HSPBP1: variants seen among roughly 807,000 people sequenced by gnomAD.
HSPBP1 encodes the protein hsp70-binding protein 1.
HSPBP1 carries 31 observed loss-of-function variants against 41.7 expected under a neutral mutation model. That is an observed-to-expected ratio of 0.74 (90% CI 0.56 to 1.00). HSPBP1 has a LOEUF of 1.00. Among genes scored for constraint, HSPBP1 ranks in the 50% least tolerant of loss-of-function variants. The pLI, the probability that HSPBP1 is intolerant of heterozygous loss-of-function variation, is 0.00. For missense variants in HSPBP1, 439 were observed against 487.9 expected (o/e 0.90, Z 0.94); for synonymous variants, 199 against 214.4 (o/e 0.93, Z 0.63).
At chr19:55,274,347 A>AACCCCCCC in intron 4 of HSPBP1, 51 bp downstream of exon 4, 2 of 325,718 alleles carry the variant, frequency 6.1e-6, no homozygotes, top group South Asian at 3.5e-5. Flanking sequence ...CCCACCCGGC[A>AACCCCCCC]CCCCCCCCCA....
In HSPBP1 at chr19:55,262,768, C is replaced by T. The variant is rs1039659246; in HGVS notation, c.1006-86G>A. 5.6e-6 allele frequency: 7 copies of T among 1,240,258 alleles called. No individual in the cohort carries two copies. In the Admixed American group the frequency reaches 1.0e-4, roughly 18 times the overall value. The allele number at this position is 1,240,258 out of a possible 1,614,324, so 76.8% of individuals were successfully genotyped here. A position where few individuals can be genotyped will look rare whatever the true frequency, so the allele number is the denominator to read the frequency against. On this transcript the variant is annotated intron_variant, in intron 7 of 7. Coordinates refer to ENST00000433386, the MANE Select transcript of HSPBP1 (RefSeq NM_012267.5). ...GCATTCTTGGCACCCAGAGGTGACT[C>T]CTCTTCTCTCCTGGCCACCACCCAC...
At chr19:55,264,856 C>A (rs913015876) in intron 7 of HSPBP1, among the ~76,000 whole-genome samples, 3 of 152,136 alleles carry the variant, frequency 2.0e-5, no homozygotes, top group Non-Finnish European at 2.9e-5. Context: ...GAATGAAAGC[C>A]TGAACCAGCG....
At chr19:55,278,073 C>G (rs1275685314) in intron 2 of HSPBP1, among the ~76,000 whole-genome samples, 1 of 152,032 alleles carries the variant, frequency 6.6e-6, no homozygotes, top group Admixed American at 6.6e-5. Flanking sequence ...ATGGTGAAAC[C>G]CCGTCTCTAC....
chr19:55,271,346 G>A (rs1196609442), intron 4 of HSPBP1, among the ~76,000 whole-genome samples: 2 of 151,964 alleles, frequency 1.3e-5, no homozygotes, highest in Admixed American at 1.3e-4. Flanking sequence ...AGGTAGGTGG[G>A]ACCAGGTGTG....
Position 55,264,235 on chromosome 19 carries a change from G to C in HSPBP1, c.1005+1043C>G, listed in dbSNP as rs1001690135. Reference sequence around the variant, plus strand: ...GCCTGCCTCGGCCTCCCAAAGTGCTGGGATTACAGGCGTGAGCCACCATGC... The same window carrying C: ...GCCTGCCTCGGCCTCCCAAAGTGCTCGGATTACAGGCGTGAGCCACCATGC... On this transcript the variant is annotated intron_variant, in intron 7 of 7. Transcript: ENST00000433386. Among the ~76,000 whole-genome samples, 6 of 152,072 alleles carry C rather than the reference G, an allele frequency of 3.9e-5. No homozygotes were observed. In the East Asian group the frequency reaches 1.2e-3, roughly 29 times the overall value.
intron 1 of HSPBP1, 149 bp from the exon 2 acceptor site, chr19:55,279,851 A>G (rs1283891276): frequency 1.2e-6 from 1 of 843,220 alleles, no homozygotes; most frequent in Non-Finnish European, 1.8e-6. Context: ...CTTTCTCCCT[A>G]GCAACAGGCC....
In HSPBP1 at chr19:55,279,506, C is replaced by A. The variant is rs1282286739; in HGVS notation, c.103G>T (p.Gly35Cys). The change falls in exon 2 of 8, where the codon GGC (glycine) becomes TGC (cysteine). Residue 35 changes from glycine (G) to cysteine (C), a missense_variant. Gly to Cys is a radical substitution (Grantham distance 159). Coordinates refer to ENST00000433386, the MANE Select transcript of HSPBP1 (RefSeq NM_012267.5). ...GGGGGGSSAGGSGNSRPPRNL... is the reference protein window; with the variant it reads ...GGGGGGSSAGCSGNSRPPRNL... ...CGTGGGGGCCGGGAATTGCCCGAGC[C>A]CCCAGCCGAGGAGCCGCCGCCGCCG... 5.6e-6 allele frequency: 8 copies of A among 1,429,306 alleles called. No individual in the cohort carries two copies. Among genetic ancestry groups the A allele is most frequent in the Non-Finnish European group, 7.6e-6 (8 of 1,050,606 alleles). The allele number at this position is 1,429,306 out of a possible 1,614,324, so 88.5% of individuals were successfully genotyped here.
At chr19:55,277,924 CCAA>C (rs2088120252) in intron 2 of HSPBP1, 78 bp from the exon 3 acceptor site, 3 of 1,194,150 alleles carry the variant, frequency 2.5e-6, no homozygotes, top group Non-Finnish European at 3.4e-6. Flanking sequence ...ATAAAGACAG[CCAA>C]CAACTGAGGG....
rs767262938 is a variant in HSPBP1, at chr19:55,277,739, G to C, written c.318C>G (p.Pro106=). The change falls in exon 3 of 8, where the codon CCC becomes CCG. Residue 106 remains proline, a synonymous_variant. Coordinates refer to ENST00000433386, the MANE Select transcript of HSPBP1 (RefSeq NM_012267.5). Reference sequence around the variant, plus strand: ...CCGCCTGCTCGGCCTCCCCAGCAGTGGGGGGCATGGGCTGTGACAGCACTC... The same window carrying C: ...CCGCCTGCTCGGCCTCCCCAGCAGTCGGGGGCATGGGCTGTGACAGCACTC... The part of the protein sequence containing the change: ...CLRVLSQPMP[P]TAGEAEQAAD... 2.2e-5 allele frequency: 35 copies of C among 1,607,594 alleles called. No homozygotes were observed. The highest frequency in any genetic ancestry group is 4.0e-5 in the African/African-American group (3 of 74,852).
chr19:55,274,082 G>GA (rs1003128474), intron 4 of HSPBP1, among the ~76,000 whole-genome samples: 14 of 152,250 alleles, frequency 9.2e-5, no homozygotes, highest in African/African-American at 3.1e-4. Flanking sequence ...TAGTGCACAG[G>GA]ACGGCCCCCG....
chr19:55,267,666 G>T (rs1470579756), intron 4 of HSPBP1, among the ~76,000 whole-genome samples: 1 of 151,876 alleles, frequency 6.6e-6, no homozygotes, highest in Non-Finnish European at 1.5e-5. Context: ...TTGCCATGTT[G>T]GCCAGGCTGG....
At chr19:55,278,639 C>T (rs1300090231) in intron 2 of HSPBP1, among the ~76,000 whole-genome samples, 9 of 151,940 alleles carry the variant, frequency 5.9e-5, no homozygotes, top group Admixed American at 2.0e-4. Context: ...CTAGGCTGGG[C>T]GTGCTGGCTC....
Position 55,272,529 on chromosome 19 carries a change from G to A in HSPBP1, c.640+1869C>T, listed in dbSNP as rs933881444. Among the ~76,000 whole-genome samples the A allele has an allele frequency of 6.6e-6, 1 of 152,114 alleles. No homozygotes were observed. The highest frequency in any genetic ancestry group is 6.5e-5 in the Admixed American group (1 of 15,268). On this transcript the variant is annotated intron_variant, in intron 4 of 7. Transcript: ENST00000433386. This position sits in a 1 kb window ranked among gnomAD's most constrained non-coding sequence, Gnocchi z 4.2. ...TTAACGGGTACAGAATTTCTGCTTG[G>A]GGGAGAGGATGAAGATGTTCTGAAA... is the stretch of plus-strand genomic sequence containing the variant.
chr19:55,268,939 G>A lies in HSPBP1; in HGVS notation c.641-2653C>T, dbSNP rs1362966910. Among the ~76,000 whole-genome samples, 2 of 152,082 alleles carry A rather than the reference G, an allele frequency of 1.3e-5. No individual in the cohort carries two copies. Among genetic ancestry groups the A allele is most frequent in the Admixed American group, 6.6e-5 (1 of 15,266 alleles). ...ACCTGTCTCGGCCTCCCAAAATGTT[G>A]AGATTATAGGCATGAGTCACCACGC... On this transcript the variant is annotated intron_variant, in intron 4 of 7. Transcript: ENST00000433386. This position sits in a 1 kb window ranked among gnomAD's most constrained non-coding sequence, Gnocchi z 4.5.
At chr19:55,264,095 G>C (rs2087713538) in intron 7 of HSPBP1, among the ~76,000 whole-genome samples, 1 of 151,924 alleles carries the variant, frequency 6.6e-6, no homozygotes, top group Non-Finnish European at 1.5e-5. Flanking sequence ...AGCCTCCTGG[G>C]TAGCTGGGAT....
chr19:55,266,535 TCAC>T (rs2087793244), intron 4 of HSPBP1, among the ~76,000 whole-genome samples: 1 of 102,754 alleles, frequency 9.7e-6, no homozygotes, highest in African/African-American at 3.7e-5. Flanking sequence ...ACCACCATCA[TCAC>T]CATGACATCA....
chr19:55,274,343 C>CCGCCCCCCCCCCCCCCCCCCCCCCCCCCA, intron 4 of HSPBP1, 55 bp downstream of exon 4: 2 of 639,920 alleles, frequency 3.1e-6, no homozygotes, highest in East Asian at 3.4e-5. Context: ...GGGGCCCACC[C>CCGCCCCCCCCCCCCCCCCCCCCCCCCCCA]GGCACCCCCC....
intron 4 of HSPBP1, among the ~76,000 whole-genome samples, chr19:55,274,084 C>A (rs538622265): frequency 9.2e-5 from 14 of 152,200 alleles, no homozygotes; most frequent in African/African-American, 3.1e-4. Flanking sequence ...GTGCACAGGA[C>A]GGCCCCCGAG....
Position 55,279,385 on chromosome 19 carries a change from TC to T in HSPBP1, c.210+13del. The T allele has an allele frequency of 1.3e-6, 2 of 1,578,788 alleles. No individual in the cohort carries two copies. The highest frequency in any genetic ancestry group is 1.7e-4 in the Middle Eastern group (1 of 5,938). ...AGGCCCCTCACCCCAGCTTCTTGGG[TC>T]CCCATCCTTTACCTCCTCACTCATC... On this transcript the variant is annotated intron_variant, in intron 2 of 7. Coordinates refer to ENST00000433386, the MANE Select transcript of HSPBP1 (RefSeq NM_012267.5).
Sources: allele counts gnomAD v4.1 joint callset (sites outside exome capture counted in the v4.1 genomes callset), GRCh38; gene constraint gnomAD v4.1.1; non-coding constraint Gnocchi (gnomAD v3.1); transcripts MANE v1.5; gene names NCBI Gene and HGNC (gene_info 2026-07-23, HGNC 2026-07-21).